Variants in TXLNA observed in about 807,000 individuals in gnomAD.
TXLNA encodes the protein taxilin alpha.
A neutral mutation model predicts 61.4 loss-of-function variants in TXLNA; 9 were observed. The observed-to-expected ratio is 0.15, with a 90% CI of 0.09 to 0.26. The LOEUF (loss-of-function observed/expected upper bound fraction) is 0.26, where lower values mean the gene tolerates loss of function less well. Ranked by LOEUF, TXLNA falls within the 10% of genes least tolerant of loss-of-function variation. TXLNA has a pLI of 1.00. For missense variants in TXLNA, 565 were observed against 688.8 expected (o/e 0.82, Z 2.01); for synonymous variants, 257 against 267.7 (o/e 0.96, Z 0.39).
At chr1:32,187,060 G>C (rs1346854054) in intron 4 of TXLNA, among the ~76,000 whole-genome samples, 1 of 152,034 alleles carries the variant, frequency 6.6e-6, no homozygotes, top group East Asian at 1.9e-4. Context: ...CACCAAACTG[G>C]CTACTTTTTT....
At position 32,181,303 on chromosome 1, in the gene TXLNA, C is replaced by G. The variant is rs1469755234; in HGVS notation, c.231C>G (p.Arg77=). The part of the protein sequence containing the change: ...ALRDVSEELS[R]QLEDILSTYC... ...GTGATGTCTCTGAGGAGCTGAGCCG[C>G]CAACTGGAAGACATACTGAGCACAT... Residue 77 remains arginine (R), a synonymous_variant, in exon 3 of 11, where the codon CGC becomes CGG. Transcript: ENST00000373610. 1 of 1,613,090 alleles carries G rather than the reference C, an allele frequency of 6.2e-7. No individual in the cohort carries two copies. Among genetic ancestry groups the G allele is most frequent in the African/African-American group, 1.3e-5 (1 of 74,914 alleles).
Position 32,195,730 on chromosome 1 carries a change from G to T in TXLNA, c.*535G>T, listed in dbSNP as rs780441564. The T allele has an allele frequency of 1.5e-5, 7 of 456,296 alleles. No individual in the cohort carries two copies. Among genetic ancestry groups the T allele is most frequent in the African/African-American group, 4.0e-5 (2 of 50,074 alleles). 28.3% of individuals were successfully genotyped at this position (456,296 alleles called of 1,614,324 possible). On this transcript the variant is annotated 3_prime_UTR_variant, in exon 11 of 11. Transcript: ENST00000373610. ...GTGTCCCTAGGCAGAGCCCTGGCAG[G>T]GCGCTCAGAGCTGGGGATTTCCTGC...
chr1:32,197,029 C>T lies in TXLNA; in HGVS notation c.*1834C>T, dbSNP rs557389746. ...CCATCTCTGGCTGAGATACTGCTGT[C>T]CTGTGAAGTGTTTCCCATGACCTTT... On this transcript the variant is annotated 3_prime_UTR_variant, in exon 11 of 11. Transcript: ENST00000373610. The surrounding 1 kb of genome is among the most constrained non-coding windows in gnomAD (Gnocchi z 4.6). The T allele has an allele frequency of 6.6e-6, 1 of 152,422 alleles. No homozygotes were observed. Among genetic ancestry groups the T allele is most frequent in the East Asian group, 1.9e-4 (1 of 5,194 alleles). 9.4% of individuals were successfully genotyped at this position (152,422 alleles called of 1,614,324 possible).
intron 1 of TXLNA, 179 bp downstream of exon 1, chr1:32,179,955 C>CGGGGGGCGCACGT (rs1569584958): frequency 6.5e-6 from 1 of 154,068 alleles, no homozygotes; most frequent in Non-Finnish European, 1.4e-5. Flanking sequence ...GCTGCGCGCG[C>CGGGGGGCGCACGT]GGGGGGCGCA....
At position 32,188,118 on chromosome 1, in the gene TXLNA, C is replaced by T; in HGVS notation, c.762C>T (p.Ser254=). The T allele has an allele frequency of 6.4e-7, 1 of 1,557,406 alleles. No individual in the cohort carries two copies. Among genetic ancestry groups the T allele is most frequent in the Non-Finnish European group, 8.7e-7 (1 of 1,149,400 alleles). The change falls in exon 5 of 11, where the codon TCC becomes TCT. Residue 254 remains serine (S), a synonymous_variant. Transcript: ENST00000373610. Reference sequence around the variant, plus strand: ...GTGAGCTGCAGCGGCACAACCGCTCCCTCAAGGTAGGCCTGGGCCCCCTGG... The same window carrying T: ...GTGAGCTGCAGCGGCACAACCGCTCTCTCAAGGTAGGCCTGGGCCCCCTGG... ...LCRELQRHNR[S]LKEEGVQRAR... is the part of the protein sequence containing the mutation.
At chr1:32,180,217 ATTTT>A in intron 1 of TXLNA, 93 bp from the exon 2 acceptor site, 1 of 1,310,828 alleles carries the variant, frequency 7.6e-7, no homozygotes, top group Non-Finnish European at 1.0e-6. Flanking sequence ...CGGTCCGTTT[ATTTT>A]AAGAAGCTTT....
At position 32,195,582 on chromosome 1, in the gene TXLNA, A is replaced by T; in HGVS notation, c.*387A>T. 1 of 389,266 alleles carries T rather than the reference A, an allele frequency of 2.6e-6. No homozygotes were observed. The highest frequency in any genetic ancestry group is 2.0e-5 in the South Asian group (1 of 49,096). The allele number at this position is 389,266 out of a possible 1,614,324, so 24.1% of individuals were successfully genotyped here. On this transcript the variant is annotated 3_prime_UTR_variant, in exon 11 of 11. Transcript: ENST00000373610. ...GCTCAGACCCCTCCCTGCCCTTCAG[A>T]GCTCAAGACAAGTAATACACCCAGG...
chr1:32,195,043 A>G lies in TXLNA; in HGVS notation c.1489A>G (p.Thr497Ala), dbSNP rs773811403. 6.2e-7 allele frequency: 1 copy of G among 1,614,122 alleles called. No individual in the cohort carries two copies. The highest frequency in any genetic ancestry group is 1.1e-5 in the South Asian group (1 of 91,090). Reference sequence around the variant, plus strand: ...GAGTGCTGGTGGCCAGGGCTCCCTCACTGACAGTGGCCCTGAGAGGAGGCC... The same window carrying G: ...GAGTGCTGGTGGCCAGGGCTCCCTCGCTGACAGTGGCCCTGAGAGGAGGCC... ...DLSAGGQGSL[T>A]DSGPERRPEG... The change falls in exon 11 of 11, where the codon ACT becomes GCT. Residue 497 changes from threonine to alanine, a missense_variant. This residue lies in a region of TXLNA where 373 missense variants were observed against 504.0 expected (regional missense o/e 0.74). Transcript: ENST00000373610.
chr1:32,186,125 T>C (rs1642785067), intron 4 of TXLNA, among the ~76,000 whole-genome samples: 1 of 152,196 alleles, frequency 6.6e-6, no homozygotes, highest in Non-Finnish European at 1.5e-5. Flanking sequence ...AAGGATTAAA[T>C]AAAAGGTATA....
intron 3 of TXLNA, among the ~76,000 whole-genome samples, chr1:32,184,041 G>T (rs1490179172): frequency 1.3e-5 from 2 of 152,182 alleles, no homozygotes; most frequent in African/African-American, 4.8e-5. Context: ...CTGGCCGAAA[G>T]TATCTTCATT....
At chr1:32,181,872 A>G (rs1050040169) in intron 3 of TXLNA, among the ~76,000 whole-genome samples, 1 of 152,156 alleles carries the variant, frequency 6.6e-6, no homozygotes, top group Non-Finnish European at 1.5e-5. Context: ...AGCCAGTACT[A>G]CCTGCTGTGT....
At chr1:32,190,837 A>T (rs1253281170) in intron 6 of TXLNA, among the ~76,000 whole-genome samples, 1 of 152,218 alleles carries the variant, frequency 6.6e-6, no homozygotes, top group Admixed American at 6.5e-5. Flanking sequence ...TCATGCCTGT[A>T]ATCCCAACAC....
intron 4 of TXLNA, among the ~76,000 whole-genome samples, chr1:32,185,584 T>C (rs890307838): frequency 2.2e-5 from 3 of 137,478 alleles, no homozygotes; most frequent in Non-Finnish European, 3.1e-5. Flanking sequence ...TTTTTTTTAG[T>C]AGAGACGGGG....
At position 32,190,830 on chromosome 1, in the gene TXLNA, T is replaced by C. The variant is rs1259622392; in HGVS notation, c.963+581T>C. 2.0e-5 allele frequency among the ~76,000 whole-genome samples: 3 copies of C among 152,188 alleles called. No individual in the cohort carries two copies. In the East Asian group the frequency reaches 5.8e-4, roughly 29 times the overall value. The stretch of plus-strand genomic sequence containing the variant: ...TTATCAGGCTGGGCGTGGTGGCTCA[T>C]GCCTGTAATCCCAACACTTTGGGAG... On this transcript the variant is annotated intron_variant, in intron 6 of 10. Coordinates refer to ENST00000373610, the MANE Select transcript of TXLNA (RefSeq NM_175852.4).
Position 32,195,266 on chromosome 1 carries a change from A to AT in TXLNA, c.*72dup. On this transcript the variant is annotated 3_prime_UTR_variant, in exon 11 of 11. Transcript: ENST00000373610. The stretch of plus-strand genomic sequence containing the variant: ...CAGGCCTGGCCCATAAAAGGCTCCC[A>AT]TGCTGAGCAGCCCATTGCTGAAGCC... 1 of 1,472,390 alleles carries AT rather than the reference A, an allele frequency of 6.8e-7. No homozygotes were observed. Among genetic ancestry groups the AT allele is most frequent in the Non-Finnish European group, 9.1e-7 (1 of 1,104,286 alleles). 91.2% of individuals were successfully genotyped at this position (1,472,390 alleles called of 1,614,324 possible).
chr1:32,193,209 T>A lies in TXLNA; in HGVS notation c.1160T>A (p.Leu387His), dbSNP rs1219453796. 1 of 1,613,194 alleles carries A rather than the reference T, an allele frequency of 6.2e-7. No homozygotes were observed. The highest frequency in any genetic ancestry group is 8.5e-7 in the Non-Finnish European group (1 of 1,179,310). ...KQQETHLKQQ[L>H]ALYTEKFEEF... ...CTGTGGGCTGCTTTCTCCCCACAGCTTGCCCTATACACAGAGAAGTTTGAG... is the reference window on the plus strand; with the variant it reads ...CTGTGGGCTGCTTTCTCCCCACAGCATGCCCTATACACAGAGAAGTTTGAG... The change falls in exon 9 of 11, where the codon CTT (leucine) becomes CAT (histidine). Residue 387 changes from leucine (L) to histidine (H), a missense_variant and splice_region_variant. Leu to His is a moderately conservative substitution (Grantham distance 99). Coordinates refer to ENST00000373610, the MANE Select transcript of TXLNA (RefSeq NM_175852.4).
Position 32,188,113 on chromosome 1 carries a change from C to A in TXLNA, c.757C>A (p.Arg253Ser). 1 of 1,561,122 alleles carries A rather than the reference C, an allele frequency of 6.4e-7. No homozygotes were observed. Among genetic ancestry groups the A allele is most frequent in the East Asian group, 2.4e-5 (1 of 42,182 alleles). ...ATGCCGTGAGCTGCAGCGGCACAAC[C>A]GCTCCCTCAAGGTAGGCCTGGGCCC... Reference protein sequence around the residue: ...SLCRELQRHNRSLKEEGVQRA... With the variant: ...SLCRELQRHNSSLKEEGVQRA... Residue 253 changes from arginine (R) to serine (S), a missense_variant, in exon 5 of 11, where the codon CGC (arginine) becomes AGC (serine). Physicochemically the swap from Arg to Ser is moderately radical, Grantham distance 110. This residue lies in a region of TXLNA where 373 missense variants were observed against 504.0 expected (regional missense o/e 0.74). Coordinates refer to ENST00000373610, the MANE Select transcript of TXLNA (RefSeq NM_175852.4).
At chr1:32,182,658 T>C (rs910875325) in intron 3 of TXLNA, among the ~76,000 whole-genome samples, 6 of 146,562 alleles carry the variant, frequency 4.1e-5, no homozygotes, top group African/African-American at 1.3e-4. Flanking sequence ...TGAAACTCTG[T>C]CTCAAAAAAA....
rs1275726086 is a variant in TXLNA, at chr1:32,196,343, A to AC, written c.*1153dup. 6.7e-6 allele frequency: 1 copy of AC among 149,984 alleles called. No homozygotes were observed. The highest frequency in any genetic ancestry group is 1.5e-5 in the Non-Finnish European group (1 of 67,734). The allele number at this position is 149,984 out of a possible 1,614,324, so 9.3% of individuals were successfully genotyped here. A position where few individuals can be genotyped will look rare whatever the true frequency, so the allele number is the denominator to read the frequency against. ...ATGGGTTTTTCTGCTTCCTGCCCCC[A>AC]CCCCCACATGTGCAATCCTCAAGAT... On this transcript the variant is annotated 3_prime_UTR_variant, in exon 11 of 11. Transcript: ENST00000373610.
Sources: allele counts gnomAD v4.1 joint callset (sites outside exome capture counted in the v4.1 genomes callset), GRCh38; gene constraint gnomAD v4.1.1; regional missense constraint gnomAD v4.1.1; non-coding constraint Gnocchi (gnomAD v3.1); transcripts MANE v1.5; gene names NCBI Gene and HGNC (gene_info 2026-07-23, HGNC 2026-07-21).